Variants in SNTB1 observed in about 807,000 individuals in gnomAD.
SNTB1 encodes the protein beta-1-syntrophin.
SNTB1 carries 36 observed loss-of-function variants against 48.9 expected under a neutral mutation model. The observed-to-expected ratio is 0.74, with a 90% CI of 0.56 to 0.97. The LOEUF (loss-of-function observed/expected upper bound fraction) is 0.97, where lower values mean the gene tolerates loss of function less well. Among genes scored for constraint, SNTB1 ranks in the 50% least tolerant of loss-of-function variants. SNTB1 has a pLI of 0.00. For synonymous variants in SNTB1, 299 were observed against 294.6 expected (o/e 1.01, Z -0.15); for missense variants, 786 against 703.4 (o/e 1.12, Z -1.33).
chr8:120,757,431 G>C (rs1272595321), intron 1 of SNTB1, among the ~76,000 whole-genome samples: 1 of 152,130 alleles, frequency 6.6e-6, no homozygotes, highest in Non-Finnish European at 1.5e-5. Context: ...GGAATAAAAG[G>C]TAACTCAGAG....
At chr8:120,781,357 T>A (rs1819827469) in intron 1 of SNTB1, among the ~76,000 whole-genome samples, 1 of 152,144 alleles carries the variant, frequency 6.6e-6, no homozygotes, top group African/African-American at 2.4e-5. Context: ...TTATAAGACA[T>A]CCTGTATTTT....
intron 1 of SNTB1, among the ~76,000 whole-genome samples, chr8:120,751,802 G>A (rs1819219550): frequency 6.6e-6 from 1 of 152,028 alleles, no homozygotes; most frequent in South Asian, 2.1e-4. Flanking sequence ...AATATGCAAG[G>A]ACTGAGTACA....
chr8:120,683,918 A>C (rs1180257903), intron 2 of SNTB1, among the ~76,000 whole-genome samples: 1 of 152,166 alleles, frequency 6.6e-6, no homozygotes, highest in Non-Finnish European at 1.5e-5. Flanking sequence ...TAATAATCAA[A>C]CATGATTATA....
chr8:120,668,088 T>G (rs992107059), intron 2 of SNTB1, among the ~76,000 whole-genome samples: 1 of 152,236 alleles, frequency 6.6e-6, no homozygotes, highest in African/African-American at 2.4e-5. Context: ...TCTCCAGGAT[T>G]CTCTGTGTAG....
intron 1 of SNTB1, among the ~76,000 whole-genome samples, chr8:120,700,179 T>TGTGTGTGTGTGTGTGTGTGTGTG (rs1818283002): frequency 9.1e-6 from 1 of 109,594 alleles, no homozygotes; most frequent in African/African-American, 4.1e-5. Flanking sequence ...GTGTGTGTGT[T>TGTGTGTGTGTGTGTGTGTGTGTG]TGTGTGTGTG....
intron 4 of SNTB1, chr8:120,571,493 T>G (rs796591559): frequency 0.12 from 23,697 of 205,920 alleles, 2,194 homozygotes; most frequent in African/African-American, 0.3. Flanking sequence ...TTTTTTTTTT[T>G]TTTTTTTTTT....
At chr8:120,615,795 A>G (rs1480716927) in intron 3 of SNTB1, among the ~76,000 whole-genome samples, 1 of 152,080 alleles carries the variant, frequency 6.6e-6, no homozygotes. Flanking sequence ...CTCCTTCCTT[A>G]GTTTTCTTCC....
In SNTB1 at chr8:120,677,392, T is replaced by C. The variant is rs577815446; in HGVS notation, c.788+16300A>G. Among the ~76,000 whole-genome samples, 9 of 152,346 alleles carry C rather than the reference T, an allele frequency of 5.9e-5. No individual in the cohort carries two copies. In the South Asian group the frequency reaches 1.9e-3, roughly 32 times the overall value. ...GGAGAAATTAATCTAAGGATGCTAT[T>C]TGCAAACTGACCTAGTTCTTCAAAC... On this transcript the variant is annotated intron_variant, in intron 2 of 6. Transcript: ENST00000517992.
chr8:120,545,904 G>A (rs2130648293), intron 5 of SNTB1, among the ~76,000 whole-genome samples: 1 of 152,328 alleles, frequency 6.6e-6, no homozygotes, highest in South Asian at 2.1e-4. Context: ...CCCTGGGGTA[G>A]GTACTAGGTA....
At chr8:120,601,179 A>G (rs371265766) in intron 3 of SNTB1, among the ~76,000 whole-genome samples, 1 of 151,948 alleles carries the variant, frequency 6.6e-6, no homozygotes, top group African/African-American at 2.4e-5. Context: ...TCCAAACCCC[A>G]GCAAAGAGAT....
At chr8:120,650,737 A>G (rs1388264142) in intron 2 of SNTB1, among the ~76,000 whole-genome samples, 1 of 152,204 alleles carries the variant, frequency 6.6e-6, no homozygotes, top group Non-Finnish European at 1.5e-5. Flanking sequence ...CCAAAACGTG[A>G]TCCAGTGTAA....
intron 3 of SNTB1, among the ~76,000 whole-genome samples, chr8:120,613,299 C>T (rs4593590): frequency 0.37 from 55,891 of 151,192 alleles, 11,761 homozygotes; most frequent in Middle Eastern, 0.58. Flanking sequence ...TGCAGTGAGC[C>T]GGGATTGTGC....
intron 1 of SNTB1, among the ~76,000 whole-genome samples, chr8:120,781,961 C>T (rs1224345345): frequency 6.6e-6 from 1 of 152,218 alleles, no homozygotes; most frequent in Non-Finnish European, 1.5e-5. Context: ...CAAAGTATCA[C>T]AAGCCAAGTG....
At chr8:120,607,077 T>C (rs1225355330) in intron 3 of SNTB1, among the ~76,000 whole-genome samples, 1 of 152,102 alleles carries the variant, frequency 6.6e-6, no homozygotes, top group Non-Finnish European at 1.5e-5. Flanking sequence ...ATCCAACAAG[T>C]AGGCACAGAA....
At chr8:120,632,742 T>C in intron 2 of SNTB1, 91 bp from the exon 3 acceptor site, 1 of 1,067,606 alleles carries the variant, frequency 9.4e-7, no homozygotes, top group Non-Finnish European at 1.4e-6. Flanking sequence ...AATTCTTTAC[T>C]CCTTCTTTTA....
At chr8:120,576,053 C>G (rs1028753437) in intron 3 of SNTB1, among the ~76,000 whole-genome samples, 1 of 152,166 alleles carries the variant, frequency 6.6e-6, no homozygotes, top group Admixed American at 6.5e-5. Context: ...TTTAAAAACT[C>G]AGTGAATGCT....
chr8:120,644,166 T>TG (rs1393901746), intron 2 of SNTB1, among the ~76,000 whole-genome samples: 1 of 151,666 alleles, frequency 6.6e-6, no homozygotes, highest in Non-Finnish European at 1.5e-5. Flanking sequence ...TCATTCTTTT[T>TG]TTTTTTTAAT....
intron 1 of SNTB1, among the ~76,000 whole-genome samples, chr8:120,729,930 C>T (rs191574040): frequency 6.6e-6 from 1 of 151,898 alleles, no homozygotes; most frequent in East Asian, 2.0e-4. Flanking sequence ...CCTAAAGCCA[C>T]CATGCACATG....
chr8:120,793,794 A>G (rs1185604336), intron 1 of SNTB1, among the ~76,000 whole-genome samples: 1 of 152,064 alleles, frequency 6.6e-6, no homozygotes. Flanking sequence ...TTAACAATTA[A>G]AGAATTAATC....
Sources: allele counts gnomAD v4.1 joint callset (sites outside exome capture counted in the v4.1 genomes callset), GRCh38; gene constraint gnomAD v4.1.1; transcripts MANE v1.5; gene names NCBI Gene and HGNC (gene_info 2026-07-23, HGNC 2026-07-21).